PTER: variants seen among roughly 807,000 people sequenced by gnomAD.
The protein encoded by PTER is phosphotriesterase related, also known as N-acetyltaurine hydrolase.
PTER carries 38 observed loss-of-function variants against 29.6 expected under a neutral mutation model. That is an observed-to-expected ratio of 1.28 (90% CI 0.99 to 1.68). The LOEUF is 1.68. Ranked by LOEUF, PTER falls within the 40% of genes most tolerant of loss-of-function variation. The pLI, the probability that PTER is intolerant of heterozygous loss-of-function variation, is 0.00. For synonymous variants in PTER, 172 were observed against 154.5 expected (o/e 1.11, Z -0.84); for missense variants, 482 against 427.8 (o/e 1.13, Z -1.12).
intron 1 of PTER, among the ~76,000 whole-genome samples, chr10:16,467,730 T>C (rs1389241083): frequency 6.6e-6 from 1 of 152,126 alleles, no homozygotes; most frequent in Non-Finnish European, 1.5e-5. Flanking sequence ...GAGAATTGCT[T>C]GAACCTGGAA....
At chr10:16,465,935 A>T (rs1168525744) in intron 1 of PTER, among the ~76,000 whole-genome samples, 2 of 152,182 alleles carry the variant, frequency 1.3e-5, no homozygotes, top group Admixed American at 1.3e-4. Flanking sequence ...ACTAACTATC[A>T]TGAGAACAGC....
chr10:16,465,071 C>T (rs769966110), intron 1 of PTER, among the ~76,000 whole-genome samples: 1 of 152,186 alleles, frequency 6.6e-6, no homozygotes, highest in East Asian at 1.9e-4. Context: ...ATACCTCCCA[C>T]TGGGTCCCTC....
At chr10:16,450,606 C>A (rs914689636) in intron 1 of PTER, among the ~76,000 whole-genome samples, 1 of 152,176 alleles carries the variant, frequency 6.6e-6, no homozygotes, top group African/African-American at 2.4e-5. Context: ...CAGCCACTCA[C>A]ATGATAAAAG....
chr10:16,448,406 C>T (rs531652295), intron 1 of PTER, among the ~76,000 whole-genome samples: 4 of 152,254 alleles, frequency 2.6e-5, no homozygotes, highest in South Asian at 2.1e-4. Context: ...GAGTAACACA[C>T]GCAAATGAGG....
chr10:16,437,205 G>GCA, intron 1 of PTER, among the ~76,000 whole-genome samples, 158 bp downstream of exon 1: 1 of 152,308 alleles, frequency 6.6e-6, no homozygotes, highest in South Asian at 2.1e-4. Flanking sequence ...CTTGGGCCCT[G>GCA]CCGCCTCTCC....
At chr10:16,456,426 G>A (rs562408318) in intron 1 of PTER, among the ~76,000 whole-genome samples, 29 of 152,234 alleles carry the variant, frequency 1.9e-4, no homozygotes, top group African/African-American at 5.1e-4. Flanking sequence ...GCCAGTCTCC[G>A]CAGTGTGCAT....
chr10:16,472,572 T>C (rs1358643275), intron 1 of PTER, among the ~76,000 whole-genome samples: 3 of 152,218 alleles, frequency 2.0e-5, no homozygotes. Flanking sequence ...CCCAGCCATA[T>C]GGAATTGTGA....
intron 1 of PTER, among the ~76,000 whole-genome samples, chr10:16,446,326 C>G (rs940082967): frequency 2.0e-5 from 3 of 151,554 alleles, no homozygotes; most frequent in African/African-American, 7.3e-5. Context: ...TCAAGTGATT[C>G]TTGTGCCTCA....
intron 1 of PTER, among the ~76,000 whole-genome samples, chr10:16,457,747 G>A (rs1202819012): frequency 2.0e-5 from 3 of 151,718 alleles, no homozygotes; most frequent in South Asian, 4.2e-4. Context: ...CTACAGGTGC[G>A]TGCCACCACA....
chr10:16,482,230 G>A (rs1474756631), intron 1 of PTER, among the ~76,000 whole-genome samples: 1 of 152,144 alleles, frequency 6.6e-6, no homozygotes, highest in East Asian at 1.9e-4. Context: ...CCAGATAATT[G>A]CAGTGGCTTG....
At chr10:16,456,059 C>A (rs45458502) in intron 1 of PTER, among the ~76,000 whole-genome samples, 18,830 of 152,168 alleles carry the variant, frequency 0.12, 1,442 homozygotes, top group South Asian at 0.25. Context: ...TTTGCCATAA[C>A]CAAGAAGGCA....
intron 3 of PTER, among the ~76,000 whole-genome samples, chr10:16,496,084 A>G (rs984533031): frequency 1.3e-5 from 2 of 152,134 alleles, no homozygotes; most frequent in Admixed American, 6.6e-5. Flanking sequence ...CTATTTACCC[A>G]GCTGTTAGCC....
At chr10:16,444,520 C>G (rs1833953039) in intron 1 of PTER, among the ~76,000 whole-genome samples, 1 of 151,890 alleles carries the variant, frequency 6.6e-6, no homozygotes, top group Non-Finnish European at 1.5e-5. Flanking sequence ...CTCGGGAAGA[C>G]CAGGTTGGCT....
intron 1 of PTER, among the ~76,000 whole-genome samples, chr10:16,474,103 G>C (rs1588606854): frequency 6.6e-6 from 1 of 152,276 alleles, no homozygotes; most frequent in Non-Finnish European, 1.5e-5. Flanking sequence ...TGTAATCCCA[G>C]CTACTTGAGA....
chr10:16,493,006 G>A (rs1378470443), intron 3 of PTER, among the ~76,000 whole-genome samples: 1 of 152,178 alleles, frequency 6.6e-6, no homozygotes, highest in Admixed American at 6.5e-5. Flanking sequence ...TGAAATAAGA[G>A]AGTGGGATAT....
At chr10:16,507,828 A>G (rs1836635453) in intron 4 of PTER, among the ~76,000 whole-genome samples, 1 of 152,074 alleles carries the variant, frequency 6.6e-6, no homozygotes, top group Non-Finnish European at 1.5e-5. Flanking sequence ...TTCTTTGTTT[A>G]TTTTTGTTTT....
chr10:16,446,370 C>T (rs188110307), intron 1 of PTER, among the ~76,000 whole-genome samples: 1 of 152,166 alleles, frequency 6.6e-6, no homozygotes, highest in Non-Finnish European at 1.5e-5. Flanking sequence ...AGGCGTGCAC[C>T]ACAATGCCTG....
At chr10:16,440,565 CT>C (rs1483678098) in intron 1 of PTER, among the ~76,000 whole-genome samples, 1 of 152,218 alleles carries the variant, frequency 6.6e-6, no homozygotes, top group Non-Finnish European at 1.5e-5. Context: ...AGCCATTTCC[CT>C]GTCTCCTTCC....
At chr10:16,503,445 C>A (rs559384980) in intron 3 of PTER, among the ~76,000 whole-genome samples, 15 of 151,986 alleles carry the variant, frequency 9.9e-5, no homozygotes, top group African/African-American at 3.1e-4. Context: ...CACTCTGTTG[C>A]CCAGGCTGGA....
Sources: allele counts gnomAD v4.1 joint callset (sites outside exome capture counted in the v4.1 genomes callset), GRCh38; gene constraint gnomAD v4.1.1; transcripts MANE v1.5; gene names NCBI Gene and HGNC (gene_info 2026-07-23, HGNC 2026-07-21).